PIK3R4: variants seen among roughly 807,000 people sequenced by gnomAD.
The protein encoded by PIK3R4 is phosphoinositide-3-kinase regulatory subunit 4.
Under a neutral mutation model 136.5 loss-of-function variants are expected in PIK3R4, and 46 were observed. The observed-to-expected ratio is 0.34, with a 90% CI of 0.27 to 0.43. The LOEUF (loss-of-function observed/expected upper bound fraction) is 0.43, where lower values mean the gene tolerates loss of function less well. PIK3R4 is among the 20% of genes least tolerant of loss of function. The pLI is 1.00. For missense variants in PIK3R4, 1,331 were observed against 1,649.5 expected, an observed-to-expected ratio of 0.81 and a Z score of 3.35; for synonymous variants, 557 against 566.7, an observed-to-expected ratio of 0.98 and a Z score of 0.24.
At chr3:130,691,515 A>T (rs557184555) in intron 13 of PIK3R4, among the ~76,000 whole-genome samples, 96 of 152,044 alleles carry the variant, frequency 6.3e-4, no homozygotes, top group African/African-American at 2.2e-3. Context: ...CTTCTTGAAT[A>T]TATCATCTAC....
chr3:130,726,958 G>T (rs2066735132), intron 6 of PIK3R4, among the ~76,000 whole-genome samples: 2 of 152,018 alleles, frequency 1.3e-5, no homozygotes, highest in African/African-American at 2.4e-5. Flanking sequence ...GTCCTAGATG[G>T]AAGGCTAAGA....
chr3:130,690,719 T>C, intron 13 of PIK3R4, 65 bp from the exon 14 acceptor site: 1 of 996,322 alleles, frequency 1.0e-6, no homozygotes, highest in Non-Finnish European at 1.5e-6. Flanking sequence ...AATATCCACA[T>C]GGCCATTAGC....
intron 6 of PIK3R4, among the ~76,000 whole-genome samples, chr3:130,727,142 G>A (rs2066736190): frequency 6.6e-6 from 1 of 152,058 alleles, no homozygotes; most frequent in South Asian, 2.1e-4. Flanking sequence ...TTGCCACATA[G>A]GTTTCTTGCA....
Position 130,687,071 on chromosome 3 carries a change from G to GTTT in PIK3R4, c.3264-652_3264-650dup, listed in dbSNP as rs35548461. ...ACAACCACAACTGTTTCAGATTTGG[G>GTTT]TTTTTTTTTTTTTTTAGCATGAAAC... is the stretch of plus-strand genomic sequence containing the variant. On this transcript the variant is annotated intron_variant, in intron 14 of 19. Coordinates refer to ENST00000356763, the MANE Select transcript of PIK3R4 (RefSeq NM_014602.3). Among the ~76,000 whole-genome samples, 531 of 145,292 alleles carry GTTT rather than the reference G, an allele frequency of 3.7e-3. 3 individuals carry two copies. The highest frequency in any genetic ancestry group is 0.012 in the African/African-American group (484 of 39,702).
intron 13 of PIK3R4, among the ~76,000 whole-genome samples, chr3:130,696,857 A>C (rs2066548933): frequency 6.6e-6 from 1 of 152,078 alleles, no homozygotes; most frequent in Admixed American, 6.6e-5. Context: ...AAAGGCTCCC[A>C]CTATTATAAC....
Position 130,733,633 on chromosome 3 carries a change from A to G in PIK3R4, c.1365T>C (p.Asp455=). 1 of 1,614,130 alleles carries G rather than the reference A, an allele frequency of 6.2e-7. No homozygotes were observed. Among genetic ancestry groups the G allele is most frequent in the Non-Finnish European group, 8.5e-7 (1 of 1,179,920 alleles). The part of the protein sequence containing the change: ...LALVKEVPRN[D]INIYPEYILP... ...GAATGTATTCCGGATAAATATTGAT[A>G]TCATTACGAGGAACCTCTTTGACGA... The change falls in exon 4 of 20, where the codon GAT becomes GAC. Residue 455 remains aspartate (D), a synonymous_variant. Transcript: ENST00000356763.
Position 130,723,330 on chromosome 3 carries a change from A to T in PIK3R4, c.1981+84T>A. ...ACCCCACACAATCAATAGCAGGAAC[A>T]ATAAAGTTGCAATTCTTTATATTAC... On this transcript the variant is annotated intron_variant, in intron 7 of 19. Coordinates refer to ENST00000356763, the MANE Select transcript of PIK3R4 (RefSeq NM_014602.3). 2.6e-6 allele frequency: 3 copies of T among 1,169,496 alleles called. No homozygotes were observed. The Admixed American group carries it at 6.6e-5, about 26-fold the overall frequency. The allele number at this position is 1,169,496 out of a possible 1,614,324, so 72.4% of individuals were successfully genotyped here. A position where few individuals can be genotyped will look rare whatever the true frequency, so the allele number is the denominator to read the frequency against.
chr3:130,687,612 A>T (rs977140064), intron 14 of PIK3R4, among the ~76,000 whole-genome samples: 2 of 152,048 alleles, frequency 1.3e-5, no homozygotes, highest in Admixed American at 6.6e-5. Context: ...TTCTTCTGTA[A>T]GTTGTCACTT....
intron 7 of PIK3R4, among the ~76,000 whole-genome samples, chr3:130,722,615 T>C (rs1329780156): frequency 2.6e-5 from 4 of 152,136 alleles, no homozygotes; most frequent in Non-Finnish European, 5.9e-5. Flanking sequence ...AATAAACATA[T>C]TATTCAAGTC....
intron 7 of PIK3R4, among the ~76,000 whole-genome samples, chr3:130,720,667 T>C (rs1478683454): frequency 6.6e-6 from 1 of 152,174 alleles, no homozygotes; most frequent in Non-Finnish European, 1.5e-5. Flanking sequence ...TTCATCCTCT[T>C]GTAGAAAAAA....
Position 130,744,505 on chromosome 3 carries a change from T to G in PIK3R4, c.714A>C (p.Ala238=). Residue 238 remains alanine (A), a synonymous_variant, in exon 2 of 20, where the codon GCA becomes GCC. Transcript: ENST00000356763. The part of the protein sequence containing the change: ...NQRTRGELKR[A]MDIFSAGCVI... Reference sequence around the variant, plus strand: ...AAATACCTGCTGAAAAGATGTCCATTGCTCTCTTCAACTCTCCTCTTGTTC... The same window carrying G: ...AAATACCTGCTGAAAAGATGTCCATGGCTCTCTTCAACTCTCCTCTTGTTC... 1 of 1,612,626 alleles carries G rather than the reference T, an allele frequency of 6.2e-7. No homozygotes were observed. The highest frequency in any genetic ancestry group is 8.5e-7 in the Non-Finnish European group (1 of 1,179,072).
At chr3:130,726,389 C>T (rs1274165956) in intron 6 of PIK3R4, among the ~76,000 whole-genome samples, 2 of 151,892 alleles carry the variant, frequency 1.3e-5, no homozygotes, top group African/African-American at 4.8e-5. Flanking sequence ...TCATTCTATC[C>T]CCCAACAACC....
chr3:130,703,315 T>C (rs962016607), intron 13 of PIK3R4, among the ~76,000 whole-genome samples: 7 of 152,236 alleles, frequency 4.6e-5, no homozygotes, highest in African/African-American at 1.7e-4. Flanking sequence ...TCAGGGCCTT[T>C]GAAATGCCTG....
intron 14 of PIK3R4, among the ~76,000 whole-genome samples, chr3:130,686,956 A>C (rs1032525207): frequency 2.0e-5 from 3 of 152,174 alleles, no homozygotes; most frequent in African/African-American, 7.2e-5. Context: ...GAAAGATACC[A>C]CAGAAGTGAT....
intron 13 of PIK3R4, among the ~76,000 whole-genome samples, chr3:130,701,105 C>A (rs2066571875): frequency 6.6e-6 from 1 of 152,176 alleles, no homozygotes; most frequent in Non-Finnish European, 1.5e-5. Context: ...AACTAACAAG[C>A]AGGGTTTTTG....
chr3:130,686,168 A>T, intron 15 of PIK3R4, 43 bp downstream of exon 15: 1 of 1,157,382 alleles, frequency 8.6e-7, no homozygotes, highest in Non-Finnish European at 1.3e-6. Context: ...TGCAGGCATT[A>T]GTGGCATTCA....
At position 130,734,063 on chromosome 3, in the gene PIK3R4, C is replaced by T. The variant is rs765218223; in HGVS notation, c.935G>A (p.Arg312His). The T allele has an allele frequency of 1.5e-5, 25 of 1,613,988 alleles. No homozygotes were observed. Among genetic ancestry groups the T allele is most frequent in the Middle Eastern group, 1.6e-4 (1 of 6,084 alleles). The change falls in exon 4 of 20, where the codon CGT becomes CAT. Residue 312 changes from arginine (R) to histidine (H), a missense_variant. This residue lies in a region of PIK3R4 where 1,180 missense variants were observed against 1,407.0 expected (regional missense o/e 0.84). Transcript: ENST00000356763. ...LEAEDYLKQQRGNAFPEIFYT... is the reference protein window; with the variant it reads ...LEAEDYLKQQHGNAFPEIFYT... ...AAATATTTCAGGAAAGGCATTGCCA[C>T]GCTGCTGTTTTAAGTAATCTTCTGC...
Position 130,705,690 on chromosome 3 carries a change from T to A in PIK3R4, c.2803A>T (p.Ile935Phe), listed in dbSNP as rs1186957249. 1.2e-5 allele frequency: 19 copies of A among 1,612,318 alleles called. No homozygotes were observed. Among genetic ancestry groups the A allele is most frequent in the Non-Finnish European group, 1.5e-5 (18 of 1,178,480 alleles). Residue 935 changes from isoleucine (I) to phenylalanine (F), a missense_variant, in exon 12 of 20, where the codon ATT (isoleucine) becomes TTT (phenylalanine). This residue lies in a region of PIK3R4 where 1,180 missense variants were observed against 1,407.0 expected (regional missense o/e 0.84). Coordinates refer to ENST00000356763, the MANE Select transcript of PIK3R4 (RefSeq NM_014602.3). ...SSTILPSTYQ[I>F]RITTCKTELQ... ...TCAGTTTTACAAGTTGTAATTCGAATCTGATAGGTGGATGGTAAGATTGTA... is the reference window on the plus strand; with the variant it reads ...TCAGTTTTACAAGTTGTAATTCGAAACTGATAGGTGGATGGTAAGATTGTA...
At chr3:130,730,172 C>A (rs1443669261) in intron 5 of PIK3R4, 136 bp downstream of exon 5, 8 of 641,656 alleles carry the variant, frequency 1.2e-5, no homozygotes, top group Non-Finnish European at 2.1e-5. Context: ...TAATTAGACA[C>A]CAGGGACTCT....
Sources: gnomAD v4.1 joint callset for allele counts (sites outside exome capture counted in the v4.1 genomes callset) on GRCh38, gnomAD v4.1.1 for gene constraint, gnomAD v4.1.1 regional missense constraint, MANE v1.5 for transcripts, NCBI Gene and HGNC (gene_info 2026-07-23, HGNC 2026-07-21) for gene names.